The following GRID2 variants were observed in gnomAD, a reference collection of about 807,000 sequenced individuals.
The protein encoded by GRID2 is glutamate receptor ionotropic, delta-2.
GRID2 carries 33 observed loss-of-function variants against 114.8 expected under a neutral mutation model. The ratio of observed to expected loss-of-function variants is 0.29; its 90% CI spans 0.22 to 0.38. GRID2 has a LOEUF of 0.38. GRID2 is among the 10% of genes least tolerant of loss of function. The probability of loss-of-function intolerance (pLI) is 1.00; values close to 1 mark genes in which losing one functional copy is unlikely to be tolerated. For synonymous variants in GRID2, 505 were observed against 449.9 expected, an observed-to-expected ratio of 1.12 and a Z score of -1.55; for missense variants, 1,184 against 1,257.7, an observed-to-expected ratio of 0.94 and a Z score of 0.89.
chr4:92,650,426 C>T (rs373605552), intron 2 of GRID2, among the ~76,000 whole-genome samples: 2 of 152,006 alleles, frequency 1.3e-5, no homozygotes, highest in African/African-American at 4.8e-5. Flanking sequence ...AATCACAGGG[C>T]GTGATATTAC....
intron 2 of GRID2, among the ~76,000 whole-genome samples, chr4:92,952,918 G>A (rs1486073538): frequency 3.3e-5 from 5 of 152,178 alleles, no homozygotes; most frequent in Non-Finnish European, 4.4e-5. Context: ...GCAGAGGTAT[G>A]CTGCCACTGA....
intron 1 of GRID2, among the ~76,000 whole-genome samples, chr4:92,581,196 C>A (rs1315041555): frequency 6.7e-6 from 1 of 149,560 alleles, no homozygotes; most frequent in Non-Finnish European, 1.5e-5. Context: ...AGTCCCCCCA[C>A]CCTTTTTTTT....
At chr4:93,805,370 A>G (rs1225788430) in intron 1 of GRID2, among the ~76,000 whole-genome samples, 1 of 152,222 alleles carries the variant, frequency 6.6e-6, no homozygotes, top group Non-Finnish European at 1.5e-5. Context: ...GTGCCTAATG[A>G]GAAAACTGTT....
intron 14 of GRID2, among the ~76,000 whole-genome samples, chr4:93,760,250 T>G (rs966061901): frequency 1.2e-4 from 18 of 152,352 alleles, no homozygotes; most frequent in African/African-American, 4.3e-4. Flanking sequence ...TGCATGTGTT[T>G]ATTTTTGCTA....
intron 5 of GRID2, among the ~76,000 whole-genome samples, chr4:93,210,132 G>C (rs544922402): frequency 1.6e-4 from 24 of 151,988 alleles, no homozygotes; most frequent in African/African-American, 5.8e-4. Context: ...TTTTGCTTTT[G>C]TTGCAATTGC....
At chr4:92,580,386 A>G (rs142889991) in intron 1 of GRID2, among the ~76,000 whole-genome samples, 1 of 146,328 alleles carries the variant, frequency 6.8e-6, no homozygotes, top group Admixed American at 7.1e-5. Context: ...GAAGTTTGAG[A>G]TTTATATTGG....
chr4:93,184,392 C>A (rs1031404717), intron 4 of GRID2, among the ~76,000 whole-genome samples: 1 of 151,710 alleles, frequency 6.6e-6, no homozygotes, highest in Non-Finnish European at 1.5e-5. Context: ...TTTTGAAGTG[C>A]CTGCTTCTTT....
intron 1 of GRID2, among the ~76,000 whole-genome samples, chr4:92,588,899 T>C (rs1453985115): frequency 2.0e-5 from 3 of 151,808 alleles, no homozygotes; most frequent in African/African-American, 2.4e-5. Context: ...GGTCAGGGGC[T>C]CGAGACCAGC....
chr4:92,778,463 C>T (rs1184729783), intron 2 of GRID2, among the ~76,000 whole-genome samples: 2 of 151,918 alleles, frequency 1.3e-5, no homozygotes, highest in African/African-American at 4.8e-5. Context: ...CAACTAGTAC[C>T]CTCTCGTGTA....
At chr4:92,336,069 A>G (rs1166382513) in intron 1 of GRID2, among the ~76,000 whole-genome samples, 1 of 152,180 alleles carries the variant, frequency 6.6e-6, no homozygotes, top group Non-Finnish European at 1.5e-5. Flanking sequence ...CATTACATAC[A>G]CACAAATATT....
chr4:92,673,663 G>A (rs183706449), intron 2 of GRID2, among the ~76,000 whole-genome samples: 1 of 151,990 alleles, frequency 6.6e-6, no homozygotes, highest in African/African-American at 2.4e-5. Context: ...CTTTATTTCT[G>A]TGTTCTTTCA....
intron 2 of GRID2, among the ~76,000 whole-genome samples, chr4:93,004,367 C>G (rs1002902712): frequency 6.6e-6 from 1 of 151,916 alleles, no homozygotes; most frequent in African/African-American, 2.4e-5. Flanking sequence ...AGTCCTGCCT[C>G]CTTTTCCCAT....
chr4:93,619,897 G>A (rs977048963), intron 13 of GRID2, among the ~76,000 whole-genome samples: 1 of 152,128 alleles, frequency 6.6e-6, no homozygotes, highest in Non-Finnish European at 1.5e-5. Flanking sequence ...AACTCCATAG[G>A]CTATACCTTA....
At chr4:93,501,518 A>G (rs1327469120) in intron 12 of GRID2, among the ~76,000 whole-genome samples, 1 of 152,086 alleles carries the variant, frequency 6.6e-6, no homozygotes, top group Non-Finnish European at 1.5e-5. Flanking sequence ...GAAATGGCTT[A>G]CTTGTCCTAG....
At chr4:93,717,235 C>A (rs1457662267) in intron 14 of GRID2, among the ~76,000 whole-genome samples, 2 of 152,042 alleles carry the variant, frequency 1.3e-5, no homozygotes, top group African/African-American at 2.4e-5. Flanking sequence ...TTTTTAAATT[C>A]TTGTCCTGTT....
At chr4:92,613,655 T>C (rs1337895589) in intron 2 of GRID2, among the ~76,000 whole-genome samples, 1 of 151,438 alleles carries the variant, frequency 6.6e-6, no homozygotes, top group African/African-American at 2.4e-5. Context: ...AATTTGTCTA[T>C]TTTATCTGCT....
chr4:93,801,374 C>T (rs1734923767), intron 1 of GRID2, among the ~76,000 whole-genome samples: 1 of 151,982 alleles, frequency 6.6e-6, no homozygotes, highest in African/African-American at 2.4e-5. Flanking sequence ...ACAAACTGCA[C>T]TGTTTTTTCT....
intron 11 of GRID2, among the ~76,000 whole-genome samples, chr4:93,490,222 A>G (rs1252711665): frequency 7.1e-6 from 1 of 141,134 alleles, no homozygotes; most frequent in East Asian, 2.5e-4. Flanking sequence ...AGAGAATATA[A>G]CAAAAAATAA....
rs548397544 is a variant in GRID2, at chr4:93,591,519, T to A, written c.2194-34750T>A. 1.1e-3 allele frequency among the ~76,000 whole-genome samples: 174 copies of A among 152,322 alleles called. 1 individual carries two copies. Among genetic ancestry groups the A allele is most frequent in the African/African-American group, 4.0e-3 (168 of 41,582 alleles). On this transcript the variant is annotated intron_variant, in intron 13 of 15. Transcript: ENST00000282020. ...CAGGGATATGGGTCTAAAATTCTCT[T>A]TTTTGGTTCTGTCTCTGCCGGGCTT...
Sources: gnomAD v4.1 joint callset for allele counts (sites outside exome capture counted in the v4.1 genomes callset) on GRCh38, gnomAD v4.1.1 for gene constraint, MANE v1.5 for transcripts, NCBI Gene and HGNC (gene_info 2026-07-23, HGNC 2026-07-21) for gene names.